Variants in CYP4F8 observed in about 807,000 individuals in gnomAD.
CYP4F8 encodes the protein cytochrome P450 family 4 subfamily F member 8.
A neutral mutation model predicts 55.0 loss-of-function variants in CYP4F8; 56 were observed. The ratio of observed to expected loss-of-function variants is 1.02; its 90% CI spans 0.82 to 1.27. CYP4F8 has a LOEUF of 1.27. CYP4F8 is among the 50% of genes most tolerant of loss of function. CYP4F8 has a pLI of 0.00. For synonymous variants in CYP4F8, 288 were observed against 267.3 expected (o/e 1.08, Z -0.76); for missense variants, 680 against 682.4 (o/e 1.00, Z 0.04).
rs977014886 is a variant in CYP4F8, at chr19:15,623,879, TC to T, written c.986-84del. 2.5e-6 allele frequency: 4 copies of T among 1,596,198 alleles called. No homozygotes were observed. In the African/African-American group the frequency reaches 4.0e-5, roughly 16 times the overall value. On this transcript the variant is annotated intron_variant, in intron 8 of 12. Coordinates refer to ENST00000612078, the MANE Select transcript of CYP4F8 (RefSeq NM_007253.4). ...CCCAACCTCCCCCTCCCCTCAACCT[TC>T]CTGAGAGCCTCAATGTATGGGCGCT...
rs1160047891 is a variant in CYP4F8 at position 15,623,983 on chromosome 19, G to A, written c.1004G>A (p.Ser335Asn). The stretch of plus-strand genomic sequence containing the variant: ...CCCTCAGGCCATGACACCACGGCCA[G>A]TGGCCTCTCCTGGGTCTTGTACAAC... ...FMFGGHDTTA[S>N]GLSWVLYNLA... is the part of the protein sequence containing the mutation. Residue 335 changes from serine to asparagine, a missense_variant, in exon 9 of 13, where the codon AGT becomes AAT. Coordinates refer to ENST00000612078, the MANE Select transcript of CYP4F8 (RefSeq NM_007253.4). 2 of 1,614,192 alleles carry A rather than the reference G, an allele frequency of 1.2e-6. No homozygotes were observed. The highest frequency in any genetic ancestry group is 1.3e-5 in the African/African-American group (1 of 75,060).
intron 9 of CYP4F8, among the ~76,000 whole-genome samples, chr19:15,624,596 A>G (rs1042498517): frequency 3.3e-5 from 5 of 152,208 alleles, no homozygotes; most frequent in Non-Finnish European, 7.3e-5. Flanking sequence ...AGATTCCTAG[A>G]AGTGCAACTG....
At chr19:15,618,371 C>T (rs1313587201) in intron 3 of CYP4F8, 1 of 710,792 alleles carries the variant, frequency 1.4e-6, no homozygotes, top group East Asian at 3.0e-5. Flanking sequence ...ACCACTGGGG[C>T]CCCGAGAAGC....
At position 15,623,150 on chromosome 19, in the gene CYP4F8, T is replaced by G; in HGVS notation, c.693T>G (p.Leu231=). Residue 231 remains leucine, a synonymous_variant, in exon 7 of 13, where the codon CTT becomes CTG. Coordinates refer to ENST00000612078, the MANE Select transcript of CYP4F8 (RefSeq NM_007253.4). ...CTGCGATCATGGAGCTCAGTGCCCT[T>G]GTAGTGAAACGGAATAACCAGTTCT... The part of the protein sequence containing the change: ...YITAIMELSA[L]VVKRNNQFFR... The G allele has an allele frequency of 6.2e-7, 1 of 1,614,048 alleles. No individual in the cohort carries two copies. Among genetic ancestry groups the G allele is most frequent in the South Asian group, 1.1e-5 (1 of 91,074 alleles).
At chr19:15,628,909 T>G in intron 12 of CYP4F8, 66 bp downstream of exon 12, 1 of 1,486,022 alleles carries the variant, frequency 6.7e-7, no homozygotes, top group Non-Finnish European at 9.1e-7. Flanking sequence ...CCTTGTCAGA[T>G]GCCTGACTTG....
At chr19:15,616,875 G>A (rs533546135) in intron 2 of CYP4F8, among the ~76,000 whole-genome samples, 4 of 152,278 alleles carry the variant, frequency 2.6e-5, no homozygotes, top group Admixed American at 1.3e-4. Flanking sequence ...AGGAATGATG[G>A]GTGTGTCCAC....
At chr19:15,624,292 C>T (rs1972235486) in intron 9 of CYP4F8, among the ~76,000 whole-genome samples, 198 bp downstream of exon 9, 1 of 152,104 alleles carries the variant, frequency 6.6e-6, no homozygotes, top group African/African-American at 2.4e-5. Context: ...TCTGGGAGTC[C>T]ATATTTATTT....
chr19:15,616,190 C>T (rs1347993532), intron 2 of CYP4F8, among the ~76,000 whole-genome samples: 2 of 146,308 alleles, frequency 1.4e-5, no homozygotes, highest in African/African-American at 2.6e-5. Flanking sequence ...TCATTCCTCT[C>T]CTCACTCACT....
intron 5 of CYP4F8, among the ~76,000 whole-genome samples, chr19:15,621,016 T>G (rs1319518737): frequency 6.6e-6 from 1 of 152,178 alleles, no homozygotes; most frequent in African/African-American, 2.4e-5. Context: ...CATGTGCATC[T>G]TGTTGGTTTG....
rs747452600 is a variant in CYP4F8, at chr19:15,628,335, G to A, written c.1149G>A (p.Met383Ile). ...DDLAQLPFLT[M>I]CLKESLRLHP... ...TGGCCCAGTTGCCCTTCCTGACCAT[G>A]TGCCTGAAGGAGAGCCTGCGGTTGC... is the stretch of plus-strand genomic sequence containing the variant. The change falls in exon 10 of 13, where the codon ATG becomes ATA. Residue 383 changes from methionine to isoleucine, a missense_variant. Transcript: ENST00000612078. The A allele has an allele frequency of 1.2e-6, 2 of 1,614,086 alleles. No individual in the cohort carries two copies. Among genetic ancestry groups the A allele is most frequent in the East Asian group, 2.2e-5 (1 of 44,862 alleles).
At chr19:15,623,935 G>C (rs1415952330) in intron 8 of CYP4F8, 30 bp from the exon 9 acceptor site, 4 of 1,611,836 alleles carry the variant, frequency 2.5e-6, no homozygotes, top group Non-Finnish European at 3.4e-6. Flanking sequence ...AAGCAGCCCA[G>C]AGACTCAAGC....
chr19:15,623,445 C>T (rs118043360), intron 7 of CYP4F8, 70 bp downstream of exon 7: 23,266 of 1,585,964 alleles, frequency 0.015, 298 homozygotes, highest in Non-Finnish European at 0.017. Flanking sequence ...ATTGAAGGAC[C>T]GGACTTGATA....
rs74842249 is a variant in CYP4F8 at position 15,624,551 on chromosome 19, C to T, written c.1115+457C>T. Among the ~76,000 whole-genome samples, 1,420 of 152,188 alleles carry T rather than the reference C, an allele frequency of 9.3e-3. 22 individuals are homozygous for T. The highest frequency in any genetic ancestry group is 0.032 in the African/African-American group (1,345 of 41,504). ...ACATGATGTGTTGAATATCGGTGTA[C>T]GATGATCATTGCTGACATGTCATCT... On this transcript the variant is annotated intron_variant, in intron 9 of 12. Coordinates refer to ENST00000612078, the MANE Select transcript of CYP4F8 (RefSeq NM_007253.4).
chr19:15,615,317 G>A, intron 1 of CYP4F8, 37 bp downstream of exon 1: 1 of 251,162 alleles, frequency 4.0e-6, no homozygotes, highest in Non-Finnish European at 7.6e-6. Flanking sequence ...GATAGGGAGG[G>A]GCACTGCCCA....
In CYP4F8 at chr19:15,615,480, C is replaced by T; in HGVS notation, c.-1-136C>T. 4.0e-6 allele frequency: 4 copies of T among 992,988 alleles called. No homozygotes were observed. In the South Asian group the frequency reaches 7.0e-5, roughly 17 times the overall value. 61.5% of individuals were successfully genotyped at this position (992,988 alleles called of 1,614,324 possible). On this transcript the variant is annotated intron_variant, in intron 1 of 12. Coordinates refer to ENST00000612078, the MANE Select transcript of CYP4F8 (RefSeq NM_007253.4). ...TTGTGTCACTTCTCCTCTCCCCTCT[C>T]CCTTGGCCTCTTCCCCTGAGATTCC...
chr19:15,629,361 C>A lies in CYP4F8; in HGVS notation c.*3C>A. The A allele has an allele frequency of 6.3e-7, 1 of 1,597,540 alleles. No individual in the cohort carries two copies. The highest frequency in any genetic ancestry group is 8.5e-7 in the Non-Finnish European group (1 of 1,171,782). ...TGCGAGTAGAACCCCTGGGCTGAGGCCTGCAGTGACCCACCCACCTACCTT... is the reference window on the plus strand; with the variant it reads ...TGCGAGTAGAACCCCTGGGCTGAGGACTGCAGTGACCCACCCACCTACCTT... On this transcript the variant is annotated 3_prime_UTR_variant, in exon 13 of 13. Transcript: ENST00000612078.
At chr19:15,621,235 A>G (rs1197701154) in intron 5 of CYP4F8, among the ~76,000 whole-genome samples, 1 of 152,220 alleles carries the variant, frequency 6.6e-6, no homozygotes, top group Non-Finnish European at 1.5e-5. Flanking sequence ...GCTGAGAAAT[A>G]GCCCAGATTA....
chr19:15,626,873 C>T (rs543052862), intron 9 of CYP4F8, among the ~76,000 whole-genome samples: 2 of 152,188 alleles, frequency 1.3e-5, no homozygotes, highest in Non-Finnish European at 2.9e-5. Context: ...GAAAAGACTC[C>T]ACCTTGTATA....
intron 5 of CYP4F8, among the ~76,000 whole-genome samples, chr19:15,620,978 A>C (rs2144604947): frequency 6.6e-6 from 1 of 152,262 alleles, no homozygotes; most frequent in South Asian, 2.1e-4. Context: ...CAAAGACAAA[A>C]GTTTATTACT....
Sources: gnomAD v4.1 joint callset for allele counts (sites outside exome capture counted in the v4.1 genomes callset) on GRCh38, gnomAD v4.1.1 for gene constraint, MANE v1.5 for transcripts, NCBI Gene and HGNC (gene_info 2026-07-23, HGNC 2026-07-21) for gene names.